C1QTNF3: variants seen among roughly 807,000 people sequenced by gnomAD.
The protein encoded by C1QTNF3 is C1q and TNF related 3.
In C1QTNF3, 26 loss-of-function variants were observed where a neutral mutation model predicts 32.6. The observed-to-expected ratio is 0.80, with a 90% confidence interval of 0.58 to 1.11. The LOEUF (loss-of-function observed/expected upper bound fraction) is 1.11. Ranked by LOEUF, C1QTNF3 falls within the 50% of genes least tolerant of loss-of-function variation. C1QTNF3 has a pLI of 0.00. For missense variants in C1QTNF3, 362 were observed against 398.2 expected, an observed-to-expected ratio of 0.91 and a Z score of 0.77; for synonymous variants, 155 against 146.0, an observed-to-expected ratio of 1.06 and a Z score of -0.44.
At chr5:34,127,027 T>G in the C1QTNF3 span, among the ~76,000 whole-genome samples, 3 of 152,214 alleles carry the variant, frequency 2.0e-5, no homozygotes, top group African/African-American at 7.2e-5. Flanking sequence ...TGTACCTTGC[T>G]TTCTCTTTGC....
intron 3 of C1QTNF3, among the ~76,000 whole-genome samples, chr5:34,032,251 T>G (rs536152060): frequency 6.6e-6 from 1 of 152,374 alleles, no homozygotes; most frequent in East Asian, 1.9e-4. Flanking sequence ...CCTTGTGACC[T>G]AACCTCACAT....
chr5:34,024,270 A>T, intron 4 of C1QTNF3: 1 of 377,958 alleles, frequency 2.6e-6, no homozygotes, highest in Non-Finnish European at 5.0e-6. Context: ...ACTGTATCTC[A>T]CTGCCTTGTA....
chr5:34,074,934 A>G, the C1QTNF3 span, among the ~76,000 whole-genome samples: 4 of 151,834 alleles, frequency 2.6e-5, no homozygotes, highest in African/African-American at 9.7e-5. Context: ...ATTGTAGGCT[A>G]TTTGAAAGTG....
chr5:34,143,336 T>C, the C1QTNF3 span, among the ~76,000 whole-genome samples: 4 of 152,166 alleles, frequency 2.6e-5, no homozygotes, highest in Non-Finnish European at 4.4e-5. Flanking sequence ...GGAGAAAGAA[T>C]GAAAGACTTG....
At chr5:34,132,586 T>C in the C1QTNF3 span, among the ~76,000 whole-genome samples, 6 of 152,030 alleles carry the variant, frequency 3.9e-5, no homozygotes, top group Admixed American at 3.9e-4. Flanking sequence ...TAAATGCCTG[T>C]ATACTTATAC....
chr5:34,066,096 T>G, the C1QTNF3 span, among the ~76,000 whole-genome samples: 1 of 152,248 alleles, frequency 6.6e-6, no homozygotes, highest in Admixed American at 6.5e-5. Flanking sequence ...ATATACCAGT[T>G]AAACTCTATC....
the C1QTNF3 span, chr5:34,165,725 G>A: frequency 1.3e-5 from 2 of 151,880 alleles, no homozygotes; most frequent in Non-Finnish European, 1.5e-5. Context: ...GAGTATGTAA[G>A]AAAATGGTTT....
chr5:34,182,298 C>T, the C1QTNF3 span, among the ~76,000 whole-genome samples: 1 of 152,178 alleles, frequency 6.6e-6, no homozygotes, highest in African/African-American at 2.4e-5. Flanking sequence ...GGATTACAGG[C>T]GTGAGCCACC....
the C1QTNF3 span, among the ~76,000 whole-genome samples, chr5:34,063,726 C>G: frequency 6.6e-6 from 1 of 152,228 alleles, no homozygotes; most frequent in African/African-American, 2.4e-5. Flanking sequence ...GTCTAGATGC[C>G]TAAGGATGCA....
the C1QTNF3 span, among the ~76,000 whole-genome samples, chr5:34,055,523 C>T: frequency 1.7e-4 from 26 of 152,220 alleles, no homozygotes; most frequent in African/African-American, 5.8e-4. Flanking sequence ...CTGACATACA[C>T]GGGGCTGATT....
chr5:34,120,919 G>T, the C1QTNF3 span, among the ~76,000 whole-genome samples: 6 of 152,198 alleles, frequency 3.9e-5, no homozygotes, highest in Non-Finnish European at 7.3e-5. Flanking sequence ...ATGAGCATGT[G>T]ATTCCTCATT....
upstream of C1QTNF3, chr5:34,043,420 T>C (rs1395485126): frequency 2.5e-6 from 1 of 401,858 alleles, no homozygotes; most frequent in Non-Finnish European, 4.5e-6. Context: ...TGTTGAAGTG[T>C]GAAGAAAACA....
At chr5:34,131,962 G>C in the C1QTNF3 span, among the ~76,000 whole-genome samples, 52 of 152,224 alleles carry the variant, frequency 3.4e-4, no homozygotes, top group African/African-American at 1.2e-3. Flanking sequence ...AACGGTGATA[G>C]TAGATTTGTC....
At chr5:34,119,412 T>C in the C1QTNF3 span, among the ~76,000 whole-genome samples, 3 of 152,214 alleles carry the variant, frequency 2.0e-5, no homozygotes, top group Non-Finnish European at 4.4e-5. Flanking sequence ...GATTCCTCCA[T>C]GCCTCTCTGC....
At chr5:34,114,444 A>C in the C1QTNF3 span, among the ~76,000 whole-genome samples, 1 of 152,148 alleles carries the variant, frequency 6.6e-6, no homozygotes, top group Non-Finnish European at 1.5e-5. Context: ...TTGTTTCATG[A>C]ATATGTACTT....
intron 4 of C1QTNF3, among the ~76,000 whole-genome samples, chr5:34,027,735 C>CAA (rs34375086): frequency 0.02 from 1,579 of 80,944 alleles, 85 homozygotes; most frequent in East Asian, 0.15. Context: ...CCACCACCAC[C>CAA]AAAAAAAAAA....
At chr5:34,024,137 C>T in intron 4 of C1QTNF3, 129 bp from the exon 5 acceptor site, 3 of 688,166 alleles carry the variant, frequency 4.4e-6, no homozygotes, top group Non-Finnish European at 7.6e-6. Flanking sequence ...TGGTGTCTCT[C>T]CTTGGCCTTA....
At chr5:34,238,746 C>G in the C1QTNF3 span, among the ~76,000 whole-genome samples, 802 of 151,886 alleles carry the variant, frequency 5.3e-3, 1 homozygote, top group Non-Finnish European at 8.8e-3. Context: ...ATTTTCCTAA[C>G]CTCGCTAGAG....
At chr5:34,088,255 C>A in the C1QTNF3 span, among the ~76,000 whole-genome samples, 1 of 152,146 alleles carries the variant, frequency 6.6e-6, no homozygotes, top group Non-Finnish European at 1.5e-5. Flanking sequence ...CAATTCTGAA[C>A]TAAGAAACTC....
Sources: allele counts gnomAD v4.1 joint callset (sites outside exome capture counted in the v4.1 genomes callset), GRCh38; gene constraint gnomAD v4.1.1; transcripts MANE v1.5; gene names NCBI Gene and HGNC (gene_info 2026-07-23, HGNC 2026-07-21).